The following GPR158 variants were observed in gnomAD, a reference collection of about 807,000 sequenced individuals.
The protein encoded by GPR158 is G protein-coupled receptor 158, also known as metabotropic glycine receptor.
A neutral mutation model predicts 78.2 loss-of-function variants in GPR158; 30 were observed. That is an observed-to-expected ratio of 0.38 (90% confidence interval 0.29 to 0.52). The LOEUF (loss-of-function observed/expected upper bound fraction) is 0.52. GPR158 is among the 20% of genes least tolerant of loss of function. GPR158 has a pLI of 0.83. For synonymous variants in GPR158, 581 were observed against 591.1 expected (o/e 0.98, Z 0.25); for missense variants, 1,463 against 1,523.5 (o/e 0.96, Z 0.66).
chr10:25,302,790 T>A (rs1018741152), intron 2 of GPR158, among the ~76,000 whole-genome samples: 9 of 152,210 alleles, frequency 5.9e-5, no homozygotes, highest in Admixed American at 1.3e-4. Context: ...TGAGTGCATA[T>A]CTGAGCTGTC....
intron 6 of GPR158, among the ~76,000 whole-genome samples, chr10:25,570,179 TTTCTC>T (rs935654636): frequency 6.6e-6 from 1 of 152,172 alleles, no homozygotes. Flanking sequence ...TTCCAAGAAA[TTTCTC>T]TTATTTCTAA....
chr10:25,453,075 A>T (rs1835242624), intron 4 of GPR158, among the ~76,000 whole-genome samples: 1 of 152,208 alleles, frequency 6.6e-6, no homozygotes, highest in African/African-American at 2.4e-5. Context: ...TTAAAGGCTG[A>T]ATAGTATTCC....
At chr10:25,325,468 TACACAC>T (rs3054025) in intron 2 of GPR158, among the ~76,000 whole-genome samples, 12 of 150,194 alleles carry the variant, frequency 8.0e-5, no homozygotes, top group East Asian at 7.9e-4. Context: ...TATATATAAT[TACACAC>T]ACACACACAC....
At chr10:25,424,525 T>TGG (rs1564451787) in intron 4 of GPR158, among the ~76,000 whole-genome samples, 3 of 150,950 alleles carry the variant, frequency 2.0e-5, no homozygotes, top group African/African-American at 7.3e-5. Context: ...AGGTCTAACA[T>TGG]TTAAGTCTTT....
At chr10:25,258,638 T>A (rs1853922823) in intron 2 of GPR158, among the ~76,000 whole-genome samples, 1 of 152,156 alleles carries the variant, frequency 6.6e-6, no homozygotes, top group African/African-American at 2.4e-5. Flanking sequence ...ATTGTAATTT[T>A]TTTTTCCATA....
intron 5 of GPR158, among the ~76,000 whole-genome samples, chr10:25,522,699 A>G (rs1836293931): frequency 6.6e-6 from 1 of 152,252 alleles, no homozygotes; most frequent in African/African-American, 2.4e-5. Flanking sequence ...ATGGATACAT[A>G]TAAATGGAAC....
chr10:25,522,422 A>C (rs80164851), intron 5 of GPR158, among the ~76,000 whole-genome samples: 6,584 of 152,288 alleles, frequency 0.043, 290 homozygotes, highest in African/African-American at 0.11. Context: ...ATTCCAGCAG[A>C]GTCATGGCCT....
chr10:25,181,780 C>T (rs747024542), intron 1 of GPR158, among the ~76,000 whole-genome samples: 15 of 152,162 alleles, frequency 9.9e-5, no homozygotes, highest in Non-Finnish European at 2.1e-4. Flanking sequence ...TGCAGTGGCA[C>T]GATCTCAGGT....
intron 2 of GPR158, among the ~76,000 whole-genome samples, chr10:25,361,229 C>T (rs1318819792): frequency 2.0e-5 from 3 of 151,776 alleles, no homozygotes; most frequent in Admixed American, 1.3e-4. Context: ...GCATAATGTC[C>T]TCAATGTTCA....
rs568145385 is a variant in GPR158 at position 25,560,851 on chromosome 10, C to G, written c.1514+9766C>G. ...CTTTCCTTGGAAATGGAAACATTTT[C>G]GCTATTAGTCATTTCTACCACATTT... On this transcript the variant is annotated intron_variant, in intron 6 of 10. Coordinates refer to ENST00000376351, the MANE Select transcript of GPR158 (RefSeq NM_020752.3). Among the ~76,000 whole-genome samples, 49 of 152,168 alleles carry G rather than the reference C, an allele frequency of 3.2e-4. 2 individuals carry two copies. The highest frequency in any genetic ancestry group is 1.2e-3 in the African/African-American group (48 of 41,552).
chr10:25,522,968 A>C (rs1430722577), intron 5 of GPR158, among the ~76,000 whole-genome samples: 1 of 152,210 alleles, frequency 6.6e-6, no homozygotes, highest in Non-Finnish European at 1.5e-5. Flanking sequence ...AATTGTATTT[A>C]AAAGTACTTT....
At chr10:25,376,739 C>G (rs573717529) in intron 2 of GPR158, among the ~76,000 whole-genome samples, 1 of 151,738 alleles carries the variant, frequency 6.6e-6, no homozygotes, top group African/African-American at 2.4e-5. Context: ...TTAACTTTTA[C>G]TGTTGATGGA....
intron 2 of GPR158, among the ~76,000 whole-genome samples, chr10:25,364,386 C>T (rs1855687414): frequency 6.6e-6 from 1 of 151,896 alleles, no homozygotes. Flanking sequence ...ACAGTATCCT[C>T]AAATCTTTTT....
intron 2 of GPR158, among the ~76,000 whole-genome samples, chr10:25,377,861 A>T (rs536374462): frequency 1.3e-5 from 2 of 152,192 alleles, no homozygotes; most frequent in African/African-American, 4.8e-5. Flanking sequence ...TTTTATGTAG[A>T]CATATGTTTT....
chr10:25,539,044 C>T (rs1836539467), intron 5 of GPR158, among the ~76,000 whole-genome samples: 1 of 152,134 alleles, frequency 6.6e-6, no homozygotes, highest in African/African-American at 2.4e-5. Flanking sequence ...TGTGCCCTCC[C>T]AGCACGCTGG....
chr10:25,253,185 G>A (rs755937334), intron 2 of GPR158, among the ~76,000 whole-genome samples: 138 of 152,344 alleles, frequency 9.1e-4, no homozygotes, highest in Non-Finnish European at 1.7e-3. Flanking sequence ...CGCACCGTGC[G>A]CGCACCCACT....
intron 2 of GPR158, among the ~76,000 whole-genome samples, chr10:25,241,368 T>TC (rs1853622675): frequency 3.7e-5 from 5 of 134,122 alleles, no homozygotes; most frequent in South Asian, 2.4e-4. Flanking sequence ...TTCTCTTTTC[T>TC]TTTCTCTCTT....
At chr10:25,370,771 TAA>T (rs1833976955) in intron 2 of GPR158, among the ~76,000 whole-genome samples, 1 of 150,382 alleles carries the variant, frequency 6.6e-6, no homozygotes, top group Admixed American at 6.6e-5. Context: ...AGTGGGGTGT[TAA>T]AGTCTCCCAT....
intron 2 of GPR158, among the ~76,000 whole-genome samples, chr10:25,295,018 C>T (rs1241261973): frequency 1.3e-5 from 2 of 151,832 alleles, no homozygotes; most frequent in Non-Finnish European, 2.9e-5. Flanking sequence ...GAAGTTGACG[C>T]TTTGCCAGCG....
Sources: allele counts gnomAD v4.1 joint callset (sites outside exome capture counted in the v4.1 genomes callset), GRCh38; gene constraint gnomAD v4.1.1; transcripts MANE v1.5; gene names NCBI Gene and HGNC (gene_info 2026-07-23, HGNC 2026-07-21).